Variants in ATP2B2 observed in about 807,000 individuals in gnomAD.
ATP2B2 encodes the protein plasma membrane calcium-transporting ATPase 2.
A neutral mutation model predicts 120.0 loss-of-function variants in ATP2B2; 15 were observed. The observed-to-expected ratio is 0.12, with a 90% CI of 0.08 to 0.19. The LOEUF (loss-of-function observed/expected upper bound fraction) is 0.19, where lower values mean the gene tolerates loss of function less well. Among genes scored for constraint, ATP2B2 ranks in the 10% least tolerant of loss-of-function variants. The pLI is 1.00. For missense variants in ATP2B2, 1,045 were observed against 1,719.8 expected (o/e 0.61, Z 6.94); for synonymous variants, 694 against 700.3 (o/e 0.99, Z 0.14).
intron 1 of ATP2B2, among the ~76,000 whole-genome samples, chr3:10,691,331 T>C (rs2071659044): frequency 6.6e-6 from 1 of 152,180 alleles, no homozygotes; most frequent in Non-Finnish European, 1.5e-5. Flanking sequence ...TACGATGAGG[T>C]GGGTCCCCAG....
chr3:10,700,281 T>C (rs1267021447), intron 1 of ATP2B2, among the ~76,000 whole-genome samples: 8 of 152,146 alleles, frequency 5.3e-5, no homozygotes, highest in Admixed American at 5.2e-4. Flanking sequence ...CTAAGTGTTC[T>C]GCCTTCTGTG....
At position 10,569,779 on chromosome 3, in the gene ATP2B2, C is replaced by T. The variant is rs971775932; in HGVS notation, c.-414-35646G>A. On this transcript the variant is annotated intron_variant, in intron 2 of 21. Transcript: ENST00000646379. The stretch of plus-strand genomic sequence containing the variant: ...AAGGGACTTGCTGAGGGTCAACAAC[C>T]GGAGGCTGAACCCTAACACCCACTA... 3.3e-5 allele frequency among the ~76,000 whole-genome samples: 5 copies of T among 152,118 alleles called. No individual in the cohort carries two copies. The South Asian group carries it at 6.2e-4, about 19-fold the overall frequency.
At position 10,433,229 on chromosome 3, in the gene ATP2B2, AT is replaced by A. The variant is rs888885575; in HGVS notation, c.199+16115del. 1.9e-3 allele frequency among the ~76,000 whole-genome samples: 290 copies of A among 150,630 alleles called. 1 individual carries two copies. The highest frequency in any genetic ancestry group is 6.7e-3 in the African/African-American group (276 of 41,104). On this transcript the variant is annotated intron_variant, in intron 2 of 22. Transcript: ENST00000360273. Reference sequence around the variant, plus strand: ...CATTCTACAGTTTGCCTCTGTAGGAATTTTTTTTTTCTGCAATGGGGCTCAC... The same window carrying A: ...CATTCTACAGTTTGCCTCTGTAGGAATTTTTTTTTCTGCAATGGGGCTCAC...
chr3:10,488,496 TTCCTTC>T (rs2065809595), intron 1 of ATP2B2, among the ~76,000 whole-genome samples: 1 of 100,238 alleles, frequency 1.0e-5, no homozygotes, highest in Non-Finnish European at 2.0e-5. Flanking sequence ...CCTTCCTTCC[TTCCTTC>T]CTTCGTTCCT....
chr3:10,464,214 G>A (rs905571977), intron 1 of ATP2B2, among the ~76,000 whole-genome samples: 2 of 152,128 alleles, frequency 1.3e-5, no homozygotes, highest in Non-Finnish European at 1.5e-5. Context: ...AAATAATGCC[G>A]CACCACACTC....
At chr3:10,363,890 A>T (rs900253208) in intron 12 of ATP2B2, among the ~76,000 whole-genome samples, 1 of 152,210 alleles carries the variant, frequency 6.6e-6, no homozygotes, top group African/African-American at 2.4e-5. Context: ...ATATGCCCCA[A>T]ATAATTGAAA....
intron 2 of ATP2B2, among the ~76,000 whole-genome samples, chr3:10,578,391 C>CA (rs766095288): frequency 1.5e-4 from 22 of 149,180 alleles, no homozygotes; most frequent in Non-Finnish European, 3.3e-4. Flanking sequence ...AAAAAAAATA[C>CA]AAAAAATTAA....
chr3:10,665,569 A>C (rs116782062), intron 1 of ATP2B2, among the ~76,000 whole-genome samples: 56 of 152,094 alleles, frequency 3.7e-4, no homozygotes, highest in Middle Eastern at 6.8e-3. Flanking sequence ...GCACATTCAC[A>C]GTGCCTGGCA....
intron 2 of ATP2B2, among the ~76,000 whole-genome samples, chr3:10,550,042 T>C (rs534768327): frequency 3.3e-5 from 5 of 152,342 alleles, no homozygotes; most frequent in Admixed American, 2.6e-4. Context: ...TCACATTCTG[T>C]CAACAGCCCA....
At chr3:10,607,968 C>T (rs1328173235) in intron 2 of ATP2B2, among the ~76,000 whole-genome samples, 3 of 152,170 alleles carry the variant, frequency 2.0e-5, no homozygotes, top group African/African-American at 7.2e-5. Context: ...TCCTTCTCCC[C>T]TTGTCCCCTC....
chr3:10,623,177 C>T (rs2069599815), intron 1 of ATP2B2, among the ~76,000 whole-genome samples: 1 of 151,794 alleles, frequency 6.6e-6, no homozygotes, highest in South Asian at 2.1e-4. Context: ...ATCCTCCTGC[C>T]TCAGCCTCCT....
intron 2 of ATP2B2, among the ~76,000 whole-genome samples, chr3:10,541,394 A>T (rs953763841): frequency 2.6e-5 from 4 of 152,120 alleles, no homozygotes; most frequent in Non-Finnish European, 4.4e-5. Context: ...TTTGCTAGTT[A>T]TGCATGATGC....
chr3:10,491,294 T>C (rs2065927004), intron 1 of ATP2B2, among the ~76,000 whole-genome samples: 1 of 151,538 alleles, frequency 6.6e-6, no homozygotes, highest in Non-Finnish European at 1.5e-5. Flanking sequence ...GGCACCATCT[T>C]GGCCCACTGC....
At chr3:10,560,287 T>A (rs1475239697) in intron 2 of ATP2B2, among the ~76,000 whole-genome samples, 4 of 152,186 alleles carry the variant, frequency 2.6e-5, no homozygotes, top group Non-Finnish European at 5.9e-5. Flanking sequence ...TCCAAGCTTC[T>A]GATGACGGCT....
intron 1 of ATP2B2, among the ~76,000 whole-genome samples, chr3:10,452,166 G>T (rs2064080358): frequency 6.6e-6 from 1 of 152,238 alleles, no homozygotes; most frequent in African/African-American, 2.4e-5. Flanking sequence ...TCACACAGTG[G>T]GGAGATGCCA....
chr3:10,639,299 C>A (rs1471431173), intron 1 of ATP2B2, among the ~76,000 whole-genome samples: 1 of 152,160 alleles, frequency 6.6e-6, no homozygotes, highest in Non-Finnish European at 1.5e-5. Context: ...GAATATTGTT[C>A]ATTCTGGCTA....
chr3:10,366,898 C>T (rs2061076220), intron 12 of ATP2B2, among the ~76,000 whole-genome samples: 1 of 152,206 alleles, frequency 6.6e-6, no homozygotes, highest in Non-Finnish European at 1.5e-5. Context: ...ATTCACACAG[C>T]TTCCCTCAGA....
chr3:10,549,133 C>A (rs2067612253), intron 2 of ATP2B2, among the ~76,000 whole-genome samples: 1 of 152,192 alleles, frequency 6.6e-6, no homozygotes, highest in African/African-American at 2.4e-5. Flanking sequence ...AGTGACTCAA[C>A]TTCTCCTATG....
chr3:10,575,288 C>G (rs1318669371), intron 2 of ATP2B2, among the ~76,000 whole-genome samples: 4 of 152,068 alleles, frequency 2.6e-5, no homozygotes, highest in Admixed American at 6.5e-5. Flanking sequence ...CCTGAGGGCC[C>G]TATATGTCTG....
Sources: gnomAD v4.1 joint callset for allele counts (sites outside exome capture counted in the v4.1 genomes callset) on GRCh38, gnomAD v4.1.1 for gene constraint, MANE v1.5 for transcripts, NCBI Gene and HGNC (gene_info 2026-07-23, HGNC 2026-07-21) for gene names.